SVOPL: variants seen among roughly 807,000 people sequenced by gnomAD.
SVOPL encodes SVOP like, also known as putative transporter SVOPL.
SVOPL carries 60 observed loss-of-function variants against 61.0 expected under a neutral mutation model. That is an observed-to-expected ratio of 0.98 (90% CI 0.80 to 1.22). The LOEUF is 1.22. Ranked by LOEUF, SVOPL falls within the 50% of genes most tolerant of loss-of-function variation. The pLI is 0.00. For missense variants in SVOPL, 662 were observed against 643.9 expected (o/e 1.03, Z -0.30); for synonymous variants, 279 against 250.0 (o/e 1.12, Z -1.09).
intron 14 of SVOPL, among the ~76,000 whole-genome samples, chr7:138,604,233 A>G (rs1673216): frequency 0.81 from 123,681 of 152,098 alleles, 50,958 homozygotes; most frequent in African/African-American, 0.95. Context: ...TAAAGCACTG[A>G]GAGTACAGGC....
chr7:138,659,760 T>C, intron 6 of SVOPL, 104 bp downstream of exon 6: 2 of 1,122,516 alleles, frequency 1.8e-6, no homozygotes, highest in South Asian at 3.1e-5. Context: ...GTCTCAGATA[T>C]GTTGGGTTCA....
chr7:138,632,839 G>A (rs533860332), intron 9 of SVOPL, among the ~76,000 whole-genome samples: 4 of 152,258 alleles, frequency 2.6e-5, no homozygotes, highest in African/African-American at 9.6e-5. Context: ...CAAAGCACAT[G>A]CCAAAAACGG....
At chr7:138,612,715 A>G (rs984690903) in intron 14 of SVOPL, among the ~76,000 whole-genome samples, 1 of 152,018 alleles carries the variant, frequency 6.6e-6, no homozygotes, top group Non-Finnish European at 1.5e-5. Flanking sequence ...GGTTTTCACC[A>G]TGTTGGCCAG....
chr7:138,695,907 C>T lies in SVOPL; in HGVS notation c.-35+5271G>A, dbSNP rs12672639. ...AAGCGATTTTCCTGTCTCAGCCTCC[C>T]GAGTAGCTGCGACTACAGGTGTGTG... On this transcript the variant is annotated intron_variant, in intron 1 of 15. Coordinates refer to ENST00000674285, the MANE Select transcript of SVOPL (RefSeq NM_001139456.2). 2.8e-4 allele frequency among the ~76,000 whole-genome samples: 42 copies of T among 151,900 alleles called. No individual in the cohort carries two copies. The East Asian group carries it at 5.5e-3, about 20-fold the overall frequency.
intron 9 of SVOPL, among the ~76,000 whole-genome samples, chr7:138,631,517 C>T (rs954907106): frequency 2.0e-5 from 3 of 152,094 alleles, no homozygotes; most frequent in Admixed American, 6.6e-5. Flanking sequence ...CGGCACATTC[C>T]CACATCTGGT....
chr7:138,659,282 A>G (rs1220036142), intron 6 of SVOPL, among the ~76,000 whole-genome samples: 2 of 152,170 alleles, frequency 1.3e-5, no homozygotes, highest in Non-Finnish European at 2.9e-5. Flanking sequence ...ACCTGAGGTC[A>G]AGAGTTCGAG....
intron 5 of SVOPL, chr7:138,661,124 C>T: frequency 1.0e-6 from 1 of 985,312 alleles, no homozygotes; most frequent in Non-Finnish European, 1.2e-6. Context: ...ACAGCCAATT[C>T]TACTAATGTT....
intron 14 of SVOPL, among the ~76,000 whole-genome samples, chr7:138,610,193 C>G (rs759930492): frequency 2.0e-5 from 3 of 152,074 alleles, no homozygotes; most frequent in Non-Finnish European, 4.4e-5. Flanking sequence ...CTACAACATA[C>G]GAACAAAAGA....
At chr7:138,623,464 G>A (rs538717686) in intron 13 of SVOPL, among the ~76,000 whole-genome samples, 1 of 152,152 alleles carries the variant, frequency 6.6e-6, no homozygotes, top group Admixed American at 6.5e-5. Context: ...GCCGGGCGTG[G>A]TGGCGGGCAC....
chr7:138,700,049 A>G (rs1235496533), intron 1 of SVOPL, among the ~76,000 whole-genome samples: 3 of 152,200 alleles, frequency 2.0e-5, no homozygotes, highest in African/African-American at 7.2e-5. Flanking sequence ...GCAGGAGATT[A>G]TCAGGATTGT....
intron 14 of SVOPL, 60 bp downstream of exon 14, chr7:138,620,986 T>C (rs1379000119): frequency 6.8e-7 from 1 of 1,479,068 alleles, no homozygotes. Context: ...TGAAGGTCCC[T>C]GGGTTCCTCT....
intron 14 of SVOPL, among the ~76,000 whole-genome samples, chr7:138,611,913 G>A (rs1222998705): frequency 2.2e-3 from 49 of 21,934 alleles, no homozygotes; most frequent in Middle Eastern, 7.4e-3. Context: ...AGCTCATTGA[G>A]AACGGGCCAG....
At chr7:138,643,412 G>C (rs1385425806) in intron 9 of SVOPL, among the ~76,000 whole-genome samples, 1 of 114,742 alleles carries the variant, frequency 8.7e-6, no homozygotes, top group African/African-American at 3.9e-5. Context: ...GCAAGAGTGA[G>C]ACTCCATCTC....
At chr7:138,631,994 C>CACACACACACA (rs1584806293) in intron 9 of SVOPL, among the ~76,000 whole-genome samples, 1 of 105,226 alleles carries the variant, frequency 9.5e-6, no homozygotes, top group Non-Finnish European at 1.9e-5. Context: ...ATACACACAC[C>CACACACACACA]CCTACACCCC....
chr7:138,604,315 A>G (rs1563082002), intron 14 of SVOPL, among the ~76,000 whole-genome samples: 1 of 152,178 alleles, frequency 6.6e-6, no homozygotes, highest in East Asian at 1.9e-4. Flanking sequence ...GAAGCTTTAC[A>G]ACAAGCATAT....
chr7:138,656,388 T>C, intron 7 of SVOPL, 60 bp downstream of exon 7: 1 of 1,535,512 alleles, frequency 6.5e-7, no homozygotes, highest in Non-Finnish European at 9.0e-7. Context: ...AAGGTATGCC[T>C]ATATGTACAT....
intron 1 of SVOPL, among the ~76,000 whole-genome samples, chr7:138,698,712 A>C (rs78603853): frequency 6.6e-6 from 1 of 152,182 alleles, no homozygotes; most frequent in East Asian, 1.9e-4. Context: ...ATGACAATGA[A>C]ATTAGATGAT....
intron 14 of SVOPL, chr7:138,597,041 A>G: frequency 8.6e-7 from 1 of 1,158,900 alleles, no homozygotes; most frequent in Non-Finnish European, 1.1e-6. Flanking sequence ...GTTGTGTGAC[A>G]CCAAAACTCT....
chr7:138,672,828 A>G (rs1019847122), intron 3 of SVOPL, among the ~76,000 whole-genome samples: 7 of 151,298 alleles, frequency 4.6e-5, no homozygotes, highest in African/African-American at 1.7e-4. Context: ...ATGCTACTAA[A>G]TATTTCTTTC....
Sources: gnomAD v4.1 joint callset for allele counts (sites outside exome capture counted in the v4.1 genomes callset) on GRCh38, gnomAD v4.1.1 for gene constraint, MANE v1.5 for transcripts, NCBI Gene and HGNC (gene_info 2026-07-23, HGNC 2026-07-21) for gene names.